The following ERC1 variants were observed in gnomAD, a reference collection of about 807,000 sequenced individuals.
ERC1 encodes the protein RAB6 interacting protein 2.
ERC1 carries 56 observed loss-of-function variants against 132.0 expected under a neutral mutation model. The ratio of observed to expected loss-of-function variants is 0.42; its 90% CI spans 0.34 to 0.53. ERC1 has a LOEUF of 0.53. Ranked by LOEUF, ERC1 falls within the 20% of genes least tolerant of loss-of-function variation. The pLI, the probability that ERC1 is intolerant of heterozygous loss-of-function variation, is 0.03. For synonymous variants in ERC1, 478 were observed against 476.1 expected, an observed-to-expected ratio of 1.00 and a Z score of -0.05; for missense variants, 1,202 against 1,349.9, an observed-to-expected ratio of 0.89 and a Z score of 1.72.
chr12:1,027,125 A>G (rs1355880885), intron 1 of ERC1, among the ~76,000 whole-genome samples: 2 of 152,180 alleles, frequency 1.3e-5, no homozygotes, highest in Admixed American at 1.3e-4. Context: ...ATTTACATCA[A>G]AGTACTTTTA....
chr12:1,450,702 A>G (rs2093407724), intron 18 of ERC1, among the ~76,000 whole-genome samples: 1 of 152,190 alleles, frequency 6.6e-6, no homozygotes, highest in Non-Finnish European at 1.5e-5. Flanking sequence ...CCTATTTTCA[A>G]TTTTTTGAGG....
intron 12 of ERC1, among the ~76,000 whole-genome samples, chr12:1,197,574 C>T (rs1175875122): frequency 6.6e-6 from 1 of 152,202 alleles, no homozygotes; most frequent in Non-Finnish European, 1.5e-5. Flanking sequence ...GGTTGTTTTG[C>T]TGCTAGGGGC....
rs917495035 is a variant in ERC1, at chr12:1,094,284, G to T, written c.1087-10466G>T. On this transcript the variant is annotated intron_variant, in intron 3 of 18. Coordinates refer to ENST00000360905, the MANE Select transcript of ERC1 (RefSeq NM_178040.4). ...TCCTCCCGGCTCGGCCTCCCAAAGTGCTGGGACAACAGGCATGAGCCACCA... is the reference window on the plus strand; with the variant it reads ...TCCTCCCGGCTCGGCCTCCCAAAGTTCTGGGACAACAGGCATGAGCCACCA... 5.6e-4 allele frequency among the ~76,000 whole-genome samples: 85 copies of T among 151,614 alleles called. 4 individuals carry two copies. The highest frequency in any genetic ancestry group is 4.4e-5 in the Non-Finnish European group (3 of 67,898).
chr12:1,335,673 G>T (rs749705055), intron 15 of ERC1, among the ~76,000 whole-genome samples: 1 of 152,064 alleles, frequency 6.6e-6, no homozygotes, highest in Non-Finnish European at 1.5e-5. Context: ...AAGGATATTG[G>T]TCTGAAGTTT....
intron 2 of ERC1, among the ~76,000 whole-genome samples, chr12:1,058,509 T>C (rs1973421840): frequency 6.6e-6 from 1 of 152,178 alleles, no homozygotes; most frequent in Non-Finnish European, 1.5e-5. Context: ...GCTGTAAATA[T>C]GTGGATTTAT....
intron 18 of ERC1, among the ~76,000 whole-genome samples, chr12:1,451,453 A>T (rs996453368): frequency 6.8e-6 from 1 of 147,854 alleles, no homozygotes; most frequent in Non-Finnish European, 1.5e-5. Flanking sequence ...CTCTACAAAA[A>T]TTTAAATTTA....
chr12:1,241,636 AATTT>A (rs936338255), intron 13 of ERC1, among the ~76,000 whole-genome samples: 2 of 151,836 alleles, frequency 1.3e-5, no homozygotes, highest in African/African-American at 4.8e-5. Context: ...ATGCATGTGG[AATTT>A]ATTTAACTTA....
intron 2 of ERC1, among the ~76,000 whole-genome samples, chr12:1,081,304 A>G (rs1942162202): frequency 6.6e-6 from 1 of 152,236 alleles, no homozygotes; most frequent in Non-Finnish European, 1.5e-5. Flanking sequence ...CAAACATTTT[A>G]GTAGTTCATC....
rs1566163499 is a variant in ERC1 at position 1,180,294 on chromosome 12, TGTGC to T, written c.1738-244_1738-241del. ...GTGTGTGTGTGTGTGCGCGCACGCG[TGTGC>T]GCGCGCGCATACACATGTGTACTTT... On this transcript the variant is annotated intron_variant, in intron 8 of 18. Coordinates refer to ENST00000360905, the MANE Select transcript of ERC1 (RefSeq NM_178040.4). Among the ~76,000 whole-genome samples, 303 of 129,184 alleles carry T rather than the reference TGTGC, an allele frequency of 2.3e-3. 1 individual carries two copies. The highest frequency in any genetic ancestry group is 0.013 in the African/African-American group (281 of 21,344). 84.7% of individuals were successfully genotyped at this position (129,184 alleles called of 152,430 possible). A position where few individuals can be genotyped will look rare whatever the true frequency, so the allele number is the denominator to read the frequency against.
chr12:1,335,656 G>A (rs969632912), intron 15 of ERC1, among the ~76,000 whole-genome samples: 68 of 152,018 alleles, frequency 4.5e-4, no homozygotes, highest in African/African-American at 1.6e-3. Context: ...TTGCATTGAC[G>A]TTCCTCAAGG....
At chr12:995,838 GGA>G (rs1413308079) in intron 1 of ERC1, among the ~76,000 whole-genome samples, 2 of 152,120 alleles carry the variant, frequency 1.3e-5, no homozygotes, top group Non-Finnish European at 2.9e-5. Context: ...AACCAGTAAA[GGA>G]GAGTGATAAG....
At chr12:1,347,948 A>G (rs1325874250) in intron 15 of ERC1, among the ~76,000 whole-genome samples, 4 of 152,134 alleles carry the variant, frequency 2.6e-5, no homozygotes, top group Non-Finnish European at 5.9e-5. Context: ...GCGCCACTGC[A>G]CTCCAATCTG....
chr12:1,451,429 G>A (rs909415476), intron 18 of ERC1, among the ~76,000 whole-genome samples: 2 of 151,982 alleles, frequency 1.3e-5, no homozygotes, highest in African/African-American at 4.8e-5. Flanking sequence ...CCTGGACAAC[G>A]GTGAAGCCCT....
At chr12:1,298,557 C>A (rs79341593) in intron 15 of ERC1, among the ~76,000 whole-genome samples, 10,199 of 89,068 alleles carry the variant, frequency 0.11, 608 homozygotes, top group Middle Eastern at 0.19. Flanking sequence ...AAAAAAAAAA[C>A]AAACAAACAA....
rs71293128 is a variant in ERC1, at chr12:1,266,391, C to CTTTTTT, written c.2619+3252_2619+3257dup. ...TATTATTATTTTTATCGTTTCCTGT[C>CTTTTTT]TTTTTTTTTTTTTTTTTTTTTTTTT... is the stretch of plus-strand genomic sequence containing the variant. On this transcript the variant is annotated intron_variant, in intron 14 of 18. Transcript: ENST00000360905. Among the ~76,000 whole-genome samples, 339 of 43,026 alleles carry CTTTTTT rather than the reference C, an allele frequency of 7.9e-3. 78 individuals are homozygous for CTTTTTT. The highest frequency in any genetic ancestry group is 0.021 in the Middle Eastern group (1 of 48). 28.2% of individuals were successfully genotyped at this position (43,026 alleles called of 152,430 possible).
intron 2 of ERC1, among the ~76,000 whole-genome samples, chr12:1,060,661 C>A (rs932821867): frequency 1.3e-5 from 2 of 152,020 alleles, no homozygotes; most frequent in African/African-American, 4.8e-5. Context: ...ACAAGAATAG[C>A]ATGGGAAAGA....
chr12:1,350,240 T>C (rs554311691), intron 15 of ERC1, among the ~76,000 whole-genome samples: 1 of 152,196 alleles, frequency 6.6e-6, no homozygotes, highest in Non-Finnish European at 1.5e-5. Flanking sequence ...TAGTATCTAG[T>C]GTTAAAAGAA....
intron 17 of ERC1, among the ~76,000 whole-genome samples, chr12:1,417,780 CAAA>C (rs59219151): frequency 2.4e-3 from 198 of 83,682 alleles, no homozygotes; most frequent in African/African-American, 6.2e-3. Context: ...GACTCCATCT[CAAA>C]AAAAAAAAAA....
chr12:1,320,852 C>T (rs1479299828), intron 15 of ERC1, among the ~76,000 whole-genome samples: 1 of 152,166 alleles, frequency 6.6e-6, no homozygotes, highest in Admixed American at 6.5e-5. Flanking sequence ...CAGGCGCCCG[C>T]CACCACGCCC....
Sources: gnomAD v4.1 joint callset for allele counts (sites outside exome capture counted in the v4.1 genomes callset) on GRCh38, gnomAD v4.1.1 for gene constraint, MANE v1.5 for transcripts, NCBI Gene and HGNC (gene_info 2026-07-23, HGNC 2026-07-21) for gene names.